Variants in GABRB1 observed in about 807,000 individuals in gnomAD.
GABRB1 encodes the protein gamma-aminobutyric acid type A receptor subunit beta1, also known as gamma-aminobutyric acid receptor subunit beta-1.
Under a neutral mutation model 51.6 loss-of-function variants are expected in GABRB1, and 17 were observed. That is an observed-to-expected ratio of 0.33 (90% CI 0.23 to 0.49). The LOEUF is 0.49. Ranked by LOEUF, GABRB1 falls within the 20% of genes least tolerant of loss-of-function variation. GABRB1 has a pLI of 0.99. For missense variants in GABRB1, 410 were observed against 600.6 expected (o/e 0.68, Z 3.32); for synonymous variants, 247 against 218.9 (o/e 1.13, Z -1.14).
At position 47,344,825 on chromosome 4, in the gene GABRB1, C is replaced by T. The variant is rs557356112; in HGVS notation, c.544+24616C>T. Reference sequence around the variant, plus strand: ...CTAACCCCTGCCTCCCAGGTTCAAGCGATTCTCATGCCTCAGCCTCCCAAG... The same window carrying T: ...CTAACCCCTGCCTCCCAGGTTCAAGTGATTCTCATGCCTCAGCCTCCCAAG... On this transcript the variant is annotated intron_variant, in intron 5 of 8. Coordinates refer to ENST00000295454, the MANE Select transcript of GABRB1 (RefSeq NM_000812.4). Among the ~76,000 whole-genome samples the T allele has an allele frequency of 9.2e-5, 14 of 152,202 alleles. No individual in the cohort carries two copies. The South Asian group carries it at 1.2e-3, about 14-fold the overall frequency.
chr4:46,998,693 C>G (rs1451092350), intron 1 of GABRB1, among the ~76,000 whole-genome samples: 1 of 143,184 alleles, frequency 7.0e-6, no homozygotes, highest in Admixed American at 7.3e-5. Flanking sequence ...GAGATTGTGC[C>G]ACTGCACTGC....
chr4:47,301,917 G>A (rs575947184), intron 4 of GABRB1, among the ~76,000 whole-genome samples: 1 of 152,238 alleles, frequency 6.6e-6, no homozygotes, highest in East Asian at 1.9e-4. Context: ...TTCATAGACA[G>A]TGAAGGTGAG....
chr4:47,296,546 CAAG>C (rs1289307914), intron 4 of GABRB1, among the ~76,000 whole-genome samples: 1 of 152,196 alleles, frequency 6.6e-6, no homozygotes, highest in Admixed American at 6.5e-5. Flanking sequence ...ATCAATTCAA[CAAG>C]AAGAGCTAAC....
Position 47,246,893 on chromosome 4 carries a change from G to A in GABRB1, c.462-73234G>A, listed in dbSNP as rs567598532. On this transcript the variant is annotated intron_variant, in intron 4 of 8. Coordinates refer to ENST00000295454, the MANE Select transcript of GABRB1 (RefSeq NM_000812.4). Reference sequence around the variant, plus strand: ...TGGGATTTTTTTTTCTTGCTGATTTGTTTGAGTTTGTTGTAGATTCTGGAT... The same window carrying A: ...TGGGATTTTTTTTTCTTGCTGATTTATTTGAGTTTGTTGTAGATTCTGGAT... Among the ~76,000 whole-genome samples, 50 of 151,824 alleles carry A rather than the reference G, an allele frequency of 3.3e-4. 1 individual carries two copies. Among genetic ancestry groups the A allele is most frequent in the Admixed American group, 1.0e-3 (16 of 15,242 alleles).
Position 47,031,671 on chromosome 4 carries a change from G to A in GABRB1, c.20G>A (p.Arg7Gln), listed in dbSNP as rs766399721. The change falls in exon 1 of 9, where the codon CGA becomes CAA. Residue 7 changes from arginine (R) to glutamine (Q), a missense_variant. Arg to Gln is a conservative substitution (Grantham distance 43). Transcript: ENST00000295454. ...TTAGTAATGTGGACAGTACAAAATC[G>A]AGAGAGTCTGGGGCTTCTCTCTTTC... MWTVQNRESLGLLSFPV... is the reference protein window; with the variant it reads MWTVQNQESLGLLSFPV... 2.5e-6 allele frequency: 4 copies of A among 1,613,652 alleles called. No homozygotes were observed. The highest frequency in any genetic ancestry group is 3.4e-6 in the Non-Finnish European group (4 of 1,179,540).
chr4:46,996,601 A>G (rs776665259), intron 1 of GABRB1, among the ~76,000 whole-genome samples: 17 of 152,204 alleles, frequency 1.1e-4, no homozygotes, highest in Admixed American at 5.9e-4. Context: ...ACATTTTAAT[A>G]TAAAAGATAA....
At chr4:47,192,145 G>A (rs960422007) in intron 4 of GABRB1, among the ~76,000 whole-genome samples, 1 of 151,774 alleles carries the variant, frequency 6.6e-6, no homozygotes, top group South Asian at 2.1e-4. Context: ...AGATGGAATC[G>A]TACATTTGGG....
At chr4:47,042,684 C>T (rs572491854) in intron 3 of GABRB1, among the ~76,000 whole-genome samples, 71 of 150,884 alleles carry the variant, frequency 4.7e-4, no homozygotes, top group Non-Finnish European at 8.1e-4. Flanking sequence ...TGAAAAGGGG[C>T]CTTTTAGCAA....
chr4:47,190,213 T>C (rs757882976), intron 4 of GABRB1, among the ~76,000 whole-genome samples: 3 of 152,112 alleles, frequency 2.0e-5, no homozygotes, highest in Admixed American at 1.3e-4. Flanking sequence ...AAAGCCATCA[T>C]TAGGAAAATG....
intron 4 of GABRB1, among the ~76,000 whole-genome samples, chr4:47,317,487 C>A (rs1428049764): frequency 2.6e-5 from 4 of 151,518 alleles, no homozygotes; most frequent in African/African-American, 9.7e-5. Context: ...TATTTTTAGA[C>A]AACAAAAGAT....
intron 4 of GABRB1, among the ~76,000 whole-genome samples, chr4:47,271,794 C>T (rs577708221): frequency 2.0e-4 from 30 of 152,202 alleles, no homozygotes; most frequent in Middle Eastern, 3.4e-3. Flanking sequence ...TTAAAAGCAA[C>T]GATTAATAAA....
At chr4:47,257,728 T>C (rs1264927257) in intron 4 of GABRB1, among the ~76,000 whole-genome samples, 1 of 151,962 alleles carries the variant, frequency 6.6e-6, no homozygotes, top group Non-Finnish European at 1.5e-5. Context: ...ATCCATTCTT[T>C]GGCCTCTTTA....
chr4:47,063,852 G>A (rs1382522853), intron 3 of GABRB1, among the ~76,000 whole-genome samples: 1 of 152,046 alleles, frequency 6.6e-6, no homozygotes, highest in Non-Finnish European at 1.5e-5. Context: ...ACATGGACAT[G>A]GCGGGGGAAC....
At position 47,141,977 on chromosome 4, in the gene GABRB1, T is replaced by A. The variant is rs116574182; in HGVS notation, c.241-19272T>A. On this transcript the variant is annotated intron_variant, in intron 3 of 8. Transcript: ENST00000295454. ...TTCAGAAGATATTTCTTGAGAGCAGTAACTATGAGCCAACCATCAGTTACA... is the reference window on the plus strand; with the variant it reads ...TTCAGAAGATATTTCTTGAGAGCAGAAACTATGAGCCAACCATCAGTTACA... Among the ~76,000 whole-genome samples the A allele has an allele frequency of 8.6e-4, 131 of 152,020 alleles. 2 individuals carry two copies. The highest frequency in any genetic ancestry group is 3.4e-3 in the Middle Eastern group (1 of 294).
chr4:47,027,931 A>C (rs142368696), upstream of GABRB1, among the ~76,000 whole-genome samples: 2,726 of 151,802 alleles, frequency 0.018, 34 homozygotes, highest in Middle Eastern at 0.034. Context: ...ATATTATATT[A>C]CTATTAGTAT....
intron 3 of GABRB1, among the ~76,000 whole-genome samples, chr4:47,064,702 A>AT (rs1560517593): frequency 6.6e-6 from 1 of 150,700 alleles, no homozygotes; most frequent in African/African-American, 2.4e-5. Context: ...CCTAATATTT[A>AT]TATTAGCTGT....
At chr4:47,146,433 T>C (rs1327186783) in intron 3 of GABRB1, among the ~76,000 whole-genome samples, 1 of 151,938 alleles carries the variant, frequency 6.6e-6, no homozygotes, top group East Asian at 1.9e-4. Context: ...ACGAGGAAAT[T>C]GATAAAATAT....
At chr4:47,014,094 T>C (rs1156285155) in intron 1 of GABRB1, among the ~76,000 whole-genome samples, 1 of 152,212 alleles carries the variant, frequency 6.6e-6, no homozygotes, top group Non-Finnish European at 1.5e-5. Context: ...TCCAGGTTTA[T>C]TGTCTTTTCC....
At chr4:47,082,599 C>A (rs1192189554) in intron 3 of GABRB1, among the ~76,000 whole-genome samples, 1 of 152,054 alleles carries the variant, frequency 6.6e-6, no homozygotes, top group Non-Finnish European at 1.5e-5. Flanking sequence ...ATTGGTACAG[C>A]AGGAAGTGTA....
Sources: gnomAD v4.1 joint callset for allele counts (sites outside exome capture counted in the v4.1 genomes callset) on GRCh38, gnomAD v4.1.1 for gene constraint, MANE v1.5 for transcripts, NCBI Gene and HGNC (gene_info 2026-07-23, HGNC 2026-07-21) for gene names.